The following SDK2 variants were observed in gnomAD, a reference collection of about 807,000 sequenced individuals.
SDK2 encodes protein sidekick-2.
SDK2 carries 105 observed loss-of-function variants against 253.9 expected under a neutral mutation model. The ratio of observed to expected loss-of-function variants is 0.41; its 90% CI spans 0.35 to 0.49. The LOEUF (loss-of-function observed/expected upper bound fraction) is 0.49, where lower values mean the gene tolerates loss of function less well. Among genes scored for constraint, SDK2 ranks in the 20% least tolerant of loss-of-function variants. The pLI is 0.06. For synonymous variants in SDK2, 1,249 were observed against 1,234.9 expected, an observed-to-expected ratio of 1.01 and a Z score of -0.24; for missense variants, 2,608 against 3,003.0, an observed-to-expected ratio of 0.87 and a Z score of 3.07.
intron 1 of SDK2, among the ~76,000 whole-genome samples, chr17:73,621,438 T>A (rs2046131577): frequency 6.6e-6 from 1 of 152,168 alleles, no homozygotes; most frequent in Non-Finnish European, 1.5e-5. Flanking sequence ...ATTCTCAAGA[T>A]AAAAGATAAT....
At chr17:73,346,191 A>G (rs1219386188) in intron 44 of SDK2, among the ~76,000 whole-genome samples, 2 of 151,144 alleles carry the variant, frequency 1.3e-5, no homozygotes, top group East Asian at 1.9e-4. Context: ...CTAGGCAACG[A>G]GGGCGAAACT....
At chr17:73,490,244 G>A (rs1219312362) in intron 2 of SDK2, among the ~76,000 whole-genome samples, 1 of 152,186 alleles carries the variant, frequency 6.6e-6, no homozygotes, top group African/African-American at 2.4e-5. Context: ...AACTCACAGT[G>A]GGTGATCAAG....
intron 14 of SDK2, among the ~76,000 whole-genome samples, chr17:73,422,969 C>T (rs1279350166): frequency 6.6e-6 from 1 of 151,770 alleles, no homozygotes; most frequent in Non-Finnish European, 1.5e-5. Flanking sequence ...TGCAGTGAGC[C>T]GAGATGGCAC....
intron 3 of SDK2, among the ~76,000 whole-genome samples, chr17:73,470,635 A>G (rs1027556235): frequency 1.3e-5 from 2 of 152,228 alleles, no homozygotes; most frequent in Non-Finnish European, 2.9e-5. Context: ...TATGGGGACA[A>G]TCCATCCTCC....
rs369112065 is a variant in SDK2 at position 73,388,889 on chromosome 17, TCTCCCTCC to T, written c.4193-860_4193-853del. Among the ~76,000 whole-genome samples, 247 of 77,272 alleles carry T rather than the reference TCTCCCTCC, an allele frequency of 3.2e-3. 13 individuals carry two copies. The East Asian group carries it at 0.058, about 18-fold the overall frequency. 50.7% of individuals were successfully genotyped at this position (77,272 alleles called of 152,430 possible). A position where few individuals can be genotyped will look rare whatever the true frequency, so the allele number is the denominator to read the frequency against. On this transcript the variant is annotated intron_variant, in intron 29 of 44. Coordinates refer to ENST00000392650, the MANE Select transcript of SDK2 (RefSeq NM_001144952.2). ...CTCTTTTCTCCCTCCTTCTCTTCCT[TCTCCCTCC>T]CTCCCTCCCTCCCTCCCTTTTTCCC...
In SDK2 at chr17:73,393,542, G is replaced by T; in HGVS notation, c.3898+18C>A. On this transcript the variant is annotated intron_variant, in intron 27 of 44. Coordinates refer to ENST00000392650, the MANE Select transcript of SDK2 (RefSeq NM_001144952.2). The stretch of plus-strand genomic sequence containing the variant: ...GCTCCTCCCAGCCTTCCCCAAGCTT[G>T]CTGGGATACGGACTCACCATCATCC... 1 of 1,512,810 alleles carries T rather than the reference G, an allele frequency of 6.6e-7. No individual in the cohort carries two copies. The allele number at this position is 1,512,810 out of a possible 1,614,324, so 93.7% of individuals were successfully genotyped here.
chr17:73,560,109 C>G (rs1173832508), intron 1 of SDK2, among the ~76,000 whole-genome samples: 1 of 152,196 alleles, frequency 6.6e-6, no homozygotes, highest in Non-Finnish European at 1.5e-5. Context: ...GAGCCAGGTT[C>G]AAATCCAGCT....
At chr17:73,539,422 C>T (rs897544748) in intron 1 of SDK2, among the ~76,000 whole-genome samples, 6 of 151,462 alleles carry the variant, frequency 4.0e-5, no homozygotes, top group Non-Finnish European at 7.4e-5. Context: ...CCCTGCTCGG[C>T]TCAGCACAGC....
At chr17:73,357,914 C>CT in intron 40 of SDK2, 165 bp downstream of exon 40, 1 of 1,075,440 alleles carries the variant, frequency 9.3e-7, no homozygotes, top group Non-Finnish European at 1.4e-6. Context: ...CTCTAGGAGC[C>CT]CCCCAACCCA....
At chr17:73,480,440 GGAA>G (rs1310094430) in intron 2 of SDK2, among the ~76,000 whole-genome samples, 4 of 152,208 alleles carry the variant, frequency 2.6e-5, no homozygotes, top group Non-Finnish European at 5.9e-5. Flanking sequence ...TGGAGGCCCA[GGAA>G]GAAGGAGCTG....
rs542789048 is a variant in SDK2 at position 73,353,952 on chromosome 17, G to A, written c.5594-1315C>T. Among the ~76,000 whole-genome samples, 14 of 152,148 alleles carry A rather than the reference G, an allele frequency of 9.2e-5. No individual in the cohort carries two copies. The South Asian group carries it at 2.7e-3, about 29-fold the overall frequency. ...ACTCCTGACCTCAGGTGATCTGCCT[G>A]CCTTGGCCTCCCAAAGAGGATTACA... On this transcript the variant is annotated intron_variant, in intron 40 of 44. Coordinates refer to ENST00000392650, the MANE Select transcript of SDK2 (RefSeq NM_001144952.2).
At chr17:73,560,540 A>G (rs1178874796) in intron 1 of SDK2, among the ~76,000 whole-genome samples, 1 of 151,366 alleles carries the variant, frequency 6.6e-6, no homozygotes, top group Non-Finnish European at 1.5e-5. Context: ...GTGTTTCACC[A>G]TGTTGGCCAG....
At chr17:73,520,194 A>T (rs2064066643) in intron 1 of SDK2, 1 of 152,312 alleles carries the variant, frequency 6.6e-6, no homozygotes, top group South Asian at 2.1e-4. Context: ...GGTGTCACCC[A>T]TCTGGGGCTG....
intron 1 of SDK2, among the ~76,000 whole-genome samples, chr17:73,573,161 C>T (rs1301566799): frequency 2.0e-5 from 3 of 152,202 alleles, no homozygotes; most frequent in African/African-American, 7.2e-5. Context: ...AGACACCTTC[C>T]CAATGTCTGA....
rs1258459199 is a variant in SDK2 at position 73,642,316 on chromosome 17, T to C, written c.64+1709A>G. Among the ~76,000 whole-genome samples the C allele has an allele frequency of 6.6e-6, 1 of 152,226 alleles. No homozygotes were observed. The highest frequency in any genetic ancestry group is 1.5e-5 in the Non-Finnish European group (1 of 68,046). On this transcript the variant is annotated intron_variant, in intron 1 of 44. Coordinates refer to ENST00000392650, the MANE Select transcript of SDK2 (RefSeq NM_001144952.2). The surrounding 1 kb of genome is among the most constrained non-coding windows in gnomAD (Gnocchi z 4.7). ...GTGAGCCACCTGCCCAGGGAAATCATACCATTGTTGAAAAGTCTGTAGAGC... is the reference window on the plus strand; with the variant it reads ...GTGAGCCACCTGCCCAGGGAAATCACACCATTGTTGAAAAGTCTGTAGAGC...
intron 42 of SDK2, 125 bp from the exon 43 acceptor site, chr17:73,350,500 G>T: frequency 7.0e-7 from 1 of 1,434,338 alleles, no homozygotes; most frequent in Non-Finnish European, 9.3e-7. Context: ...AAGAGATTGA[G>T]ATTGTGTGTA....
chr17:73,611,084 C>T (rs571441291), intron 1 of SDK2, among the ~76,000 whole-genome samples: 1 of 152,346 alleles, frequency 6.6e-6, no homozygotes, highest in South Asian at 2.1e-4. Flanking sequence ...TGCCCTAGGT[C>T]GTGCTGCGAT....
chr17:73,477,060 C>T (rs1435220129), intron 2 of SDK2, among the ~76,000 whole-genome samples: 1 of 152,244 alleles, frequency 6.6e-6, no homozygotes, highest in Non-Finnish European at 1.5e-5. Context: ...GGGAAACCCA[C>T]TTCACTCCAC....
rs542232958 is a variant in SDK2, at chr17:73,507,584, C to A, written c.78G>T (p.Pro26=). ...RAARAQDDVS[P]YFKTEPVRTQ... is the part of the protein sequence containing the mutation. ...TCCGCACAGGCTCTGTCTTGAAATA[C>A]GGGGACACATCATCTGCAGAAACAG... is the stretch of plus-strand genomic sequence containing the variant. The change falls in exon 2 of 45, where the codon CCG becomes CCT. Residue 26 remains proline, a synonymous_variant. Coordinates refer to ENST00000392650, the MANE Select transcript of SDK2 (RefSeq NM_001144952.2). 1 of 1,551,320 alleles carries A rather than the reference C, an allele frequency of 6.4e-7. No individual in the cohort carries two copies.
Sources: allele counts gnomAD v4.1 joint callset (sites outside exome capture counted in the v4.1 genomes callset), GRCh38; gene constraint gnomAD v4.1.1; non-coding constraint Gnocchi (gnomAD v3.1); transcripts MANE v1.5; gene names NCBI Gene and HGNC (gene_info 2026-07-23, HGNC 2026-07-21).